Variants in HYDIN observed in about 807,000 individuals in gnomAD.
HYDIN encodes axonemal central pair apparatus protein HYDIN.
In HYDIN, 132 loss-of-function variants were observed where a neutral mutation model predicts 403.9. The observed-to-expected ratio is 0.33, with a 90% CI of 0.28 to 0.38. The LOEUF (loss-of-function observed/expected upper bound fraction) is 0.38, where lower values mean the gene tolerates loss of function less well. Ranked by LOEUF, HYDIN falls within the 10% of genes least tolerant of loss-of-function variation. The pLI is 1.00. For missense variants in HYDIN, 2,827 were observed against 5,009.5 expected, an observed-to-expected ratio of 0.56 and a Z score of 13.15; for synonymous variants, 1,202 against 1,891.7, an observed-to-expected ratio of 0.64 and a Z score of 9.46.
rs147477484 is a variant in HYDIN, at chr16:71,215,842, G to C, written c.-24+14720C>G. The stretch of plus-strand genomic sequence containing the variant: ...GCAAAAGAACAGGCTGTTTACACTA[G>C]AGAATATCTAAATGGCTAATAAATA... On this transcript the variant is annotated intron_variant, in intron 1 of 85. Coordinates refer to ENST00000393567, the MANE Select transcript of HYDIN (RefSeq NM_001270974.2). 1.8e-4 allele frequency among the ~76,000 whole-genome samples: 27 copies of C among 149,592 alleles called. No homozygotes were observed. The East Asian group carries it at 4.9e-3, about 27-fold the overall frequency.
At chr16:70,892,251 A>G in intron 56 of HYDIN, 110 bp downstream of exon 56, 1 of 1,411,332 alleles carries the variant, frequency 7.1e-7, no homozygotes, top group Non-Finnish European at 9.3e-7. Context: ...CACCCAGGCC[A>G]GCCCTCCCCT....
chr16:71,045,235 G>A (rs1008113054), intron 18 of HYDIN, among the ~76,000 whole-genome samples: 1 of 152,080 alleles, frequency 6.6e-6, no homozygotes, highest in Non-Finnish European at 1.5e-5. Context: ...TTCCTTTTGT[G>A]TTGTCACTAG....
Position 70,866,347 on chromosome 16 carries a change from G to A in HYDIN, c.11311-18C>T. 1.1e-6 allele frequency: 1 copy of A among 898,618 alleles called. No homozygotes were observed. The highest frequency in any genetic ancestry group is 1.6e-5 in the South Asian group (1 of 60,782). The allele number at this position is 898,618 out of a possible 1,614,324, so 55.7% of individuals were successfully genotyped here. On this transcript the variant is annotated intron_variant, in intron 66 of 85. Transcript: ENST00000393567. ...TCTATCACCTGTAACAAAGGCAGCT[G>A]TGTCCTCAGAGATGCAGAGCACAGG...
At chr16:71,044,835 T>C (rs1428031640) in intron 18 of HYDIN, among the ~76,000 whole-genome samples, 1 of 147,550 alleles carries the variant, frequency 6.8e-6, no homozygotes, top group Non-Finnish European at 1.5e-5. Flanking sequence ...AGACTAACCA[T>C]TGGATATTGT....
intron 62 of HYDIN, among the ~76,000 whole-genome samples, chr16:70,875,739 A>C (rs1377446267): frequency 6.6e-6 from 1 of 152,200 alleles, no homozygotes; most frequent in Non-Finnish European, 1.5e-5. Flanking sequence ...TGGAGAGTCT[A>C]AATACTCCGC....
chr16:70,908,965 G>A (rs1183213637), intron 47 of HYDIN, 104 bp from the exon 48 acceptor site: 29 of 1,353,502 alleles, frequency 2.1e-5, no homozygotes, highest in Non-Finnish European at 2.6e-5. Context: ...TGGTGCTGCA[G>A]GGTCAGGAAG....
intron 7 of HYDIN, among the ~76,000 whole-genome samples, chr16:71,139,708 T>C (rs2085093678): frequency 6.6e-6 from 1 of 151,650 alleles, no homozygotes; most frequent in Non-Finnish European, 1.5e-5. Context: ...TATGAAGAAA[T>C]AAAAATATAT....
At chr16:71,049,270 G>T (rs559562826) in intron 18 of HYDIN, among the ~76,000 whole-genome samples, 1 of 152,208 alleles carries the variant, frequency 6.6e-6, no homozygotes, top group Non-Finnish European at 1.5e-5. Flanking sequence ...CAGCCTCCCC[G>T]CATTTGAAAG....
intron 41 of HYDIN, among the ~76,000 whole-genome samples, chr16:70,950,154 C>A (rs1312460214): frequency 6.7e-6 from 1 of 148,848 alleles, no homozygotes; most frequent in Admixed American, 6.7e-5. Flanking sequence ...ACCTGCAGGT[C>A]TCCTCTCCCT....
At chr16:71,090,407 A>C (rs1281205062) in intron 11 of HYDIN, 2 of 151,154 alleles carry the variant, frequency 1.3e-5, no homozygotes, top group Non-Finnish European at 2.9e-5. Context: ...TATTGCTGTA[A>C]AATTAAATTT....
chr16:70,810,088 T>C lies in HYDIN; in HGVS notation c.14659-81A>G, dbSNP rs894951413. The C allele has an allele frequency of 4.5e-6, 6 of 1,340,918 alleles. No individual in the cohort carries two copies. The African/African-American group carries it at 5.8e-5, about 13-fold the overall frequency. 83.1% of individuals were successfully genotyped at this position (1,340,918 alleles called of 1,614,324 possible). On this transcript the variant is annotated intron_variant, in intron 84 of 85. Transcript: ENST00000393567. Reference sequence around the variant, plus strand: ...ACCTAGAGACCTGCCCAAGGCTCCATAGCAGGTTGGGGGCAGAAATAGTGC... The same window carrying C: ...ACCTAGAGACCTGCCCAAGGCTCCACAGCAGGTTGGGGGCAGAAATAGTGC...
chr16:71,193,789 C>T (rs1312442888), intron 1 of HYDIN, among the ~76,000 whole-genome samples: 2 of 152,164 alleles, frequency 1.3e-5, no homozygotes, highest in Non-Finnish European at 2.9e-5. Flanking sequence ...TCACCCCCAT[C>T]TCTATCATCT....
At chr16:70,882,298 G>GC (rs2040857103) in intron 60 of HYDIN, among the ~76,000 whole-genome samples, 1 of 151,828 alleles carries the variant, frequency 6.6e-6, no homozygotes, top group Admixed American at 6.6e-5. Context: ...AGAATCTGAT[G>GC]CCCCCAAATC....
chr16:71,041,588 T>C (rs975985302), intron 18 of HYDIN, among the ~76,000 whole-genome samples: 6 of 152,044 alleles, frequency 3.9e-5, no homozygotes, highest in African/African-American at 9.7e-5. Flanking sequence ...CTACAATACA[T>C]TGTTGAGTGA....
Position 70,810,665 on chromosome 16 carries a change from A to C in HYDIN, c.14659-658T>G, listed in dbSNP as rs149279425. Among the ~76,000 whole-genome samples, 183 of 151,884 alleles carry C rather than the reference A, an allele frequency of 1.2e-3. 1 individual carries two copies. The highest frequency in any genetic ancestry group is 2.0e-3 in the Non-Finnish European group (134 of 67,918). On this transcript the variant is annotated intron_variant, in intron 84 of 85. Coordinates refer to ENST00000393567, the MANE Select transcript of HYDIN (RefSeq NM_001270974.2). ...ACCAACATGGTGAAACCCCATTTCT[A>C]AAAAAAACAGAAAAATTAGCTGGGC... is the stretch of plus-strand genomic sequence containing the variant.
intron 9 of HYDIN, among the ~76,000 whole-genome samples, chr16:71,126,427 T>A (rs1463036036): frequency 2.0e-5 from 3 of 151,918 alleles, no homozygotes; most frequent in Non-Finnish European, 4.4e-5. Flanking sequence ...TGTAAATAGG[T>A]CAAGACCAGA....
At chr16:71,075,950 A>C (rs2082615190) in intron 13 of HYDIN, 1 of 400,492 alleles carries the variant, frequency 2.5e-6, no homozygotes, top group African/African-American at 2.1e-5. Flanking sequence ...TTACGCTGAA[A>C]GGGAATCAGT....
At chr16:71,051,309 G>A (rs2081627781) in intron 18 of HYDIN, among the ~76,000 whole-genome samples, 1 of 151,942 alleles carries the variant, frequency 6.6e-6, no homozygotes, top group Non-Finnish European at 1.5e-5. Context: ...TTCTTAATGT[G>A]ACATAGGCGT....
intron 1 of HYDIN, among the ~76,000 whole-genome samples, chr16:71,224,554 T>G (rs1160146138): frequency 6.9e-6 from 1 of 144,788 alleles, no homozygotes; most frequent in East Asian, 2.0e-4. Context: ...TTGGCTAAGG[T>G]TTTTCTTTTT....
Sources: allele counts gnomAD v4.1 joint callset (sites outside exome capture counted in the v4.1 genomes callset), GRCh38; gene constraint gnomAD v4.1.1; transcripts MANE v1.5; gene names NCBI Gene and HGNC (gene_info 2026-07-23, HGNC 2026-07-21).